Variants in OR13G1 observed in about 807,000 individuals in gnomAD.
OR13G1 encodes the protein olfactory receptor family 13 subfamily G member 1.
For missense variants in OR13G1, 369 were observed against 385.7 expected (o/e 0.96, Z 0.36); for synonymous variants, 128 against 136.2 (o/e 0.94, Z 0.42).
At chr1:247,673,993 T>C (rs1659269500) in intron 1 of OR13G1, among the ~76,000 whole-genome samples, 1 of 152,132 alleles carries the variant, frequency 6.6e-6, no homozygotes, top group African/African-American at 2.4e-5. Flanking sequence ...CTGTGTCCTA[T>C]GTTATTTTCC....
At position 247,673,227 on chromosome 1, in the gene OR13G1, T is replaced by C. The variant is rs552598867; in HGVS notation, c.-186A>G. ...TCTGTATTCCAGGCAATATACTCTGTTTTCCAGACTAATCCCATTCTCTGA... is the reference window on the plus strand; with the variant it reads ...TCTGTATTCCAGGCAATATACTCTGCTTTCCAGACTAATCCCATTCTCTGA... On this transcript the variant is annotated 5_prime_UTR_variant, in exon 2 of 2. Coordinates refer to ENST00000642119, the MANE Select transcript of OR13G1 (RefSeq NM_001005487.2). 3.0e-5 allele frequency: 17 copies of C among 566,300 alleles called. No individual in the cohort carries two copies. The highest frequency in any genetic ancestry group is 2.2e-4 in the African/African-American group (12 of 53,408). 35.1% of individuals were successfully genotyped at this position (566,300 alleles called of 1,614,324 possible). A position where few individuals can be genotyped will look rare whatever the true frequency, so the allele number is the denominator to read the frequency against.
intron 1 of OR13G1, among the ~76,000 whole-genome samples, chr1:247,678,861 A>G (rs975514739): frequency 6.6e-6 from 1 of 152,098 alleles, no homozygotes; most frequent in Non-Finnish European, 1.5e-5. Context: ...CCACTGAAAG[A>G]CCCACATCCT....
At chr1:247,678,733 T>A (rs958895405) in intron 1 of OR13G1, among the ~76,000 whole-genome samples, 4 of 152,256 alleles carry the variant, frequency 2.6e-5, no homozygotes, top group African/African-American at 9.6e-5. Context: ...GTATAATAAA[T>A]TGTAAAAAGA....
intron 1 of OR13G1, among the ~76,000 whole-genome samples, chr1:247,674,430 G>T (rs182062896): frequency 3.3e-5 from 5 of 152,158 alleles, no homozygotes; most frequent in East Asian, 3.9e-4. Context: ...AGTCTGTTTT[G>T]CTCTCTCATG....
At chr1:247,675,770 A>T (rs986359851) in intron 1 of OR13G1, among the ~76,000 whole-genome samples, 1 of 152,130 alleles carries the variant, frequency 6.6e-6, no homozygotes. Context: ...TTCTCTTGAA[A>T]TTCTGCAATT....
rs755822965 is a variant in OR13G1, at chr1:247,673,074, C to T, written c.-33G>A. The T allele has an allele frequency of 2.7e-6, 4 of 1,467,144 alleles. No individual in the cohort carries two copies. The highest frequency in any genetic ancestry group is 2.8e-5 in the African/African-American group (2 of 71,348). 90.9% of individuals were successfully genotyped at this position (1,467,144 alleles called of 1,614,324 possible). On this transcript the variant is annotated 5_prime_UTR_variant, in exon 2 of 2. The change creates a new upstream start codon in the 5' untranslated region. Transcript: ENST00000642119. The stretch of plus-strand genomic sequence containing the variant: ...GGGTGATTGAATGGCAGTAATTGCA[C>T]AGAATAAACAACTGAAAATGGAAAG...
Position 247,672,133 on chromosome 1 carries a change from T to C in OR13G1, c.909A>G (p.Ala303=), listed in dbSNP as rs751560495. The change falls in exon 2 of 2, where the codon GCA becomes GCG. Residue 303 remains alanine (A), a synonymous_variant. Coordinates refer to ENST00000642119, the MANE Select transcript of OR13G1 (RefSeq NM_001005487.2). ...GTTGAAACTACTAGTGTTTCAGAAA[T>C]GCAAACACCTTCCTAATTCCTGCCT... ...EMQAGIRKVF[A]FLKH is the part of the protein sequence containing the mutation. 6.2e-7 allele frequency: 1 copy of C among 1,612,810 alleles called. No individual in the cohort carries two copies. The highest frequency in any genetic ancestry group is 8.5e-7 in the Non-Finnish European group (1 of 1,179,414).
Position 247,672,040 on chromosome 1 carries a change from G to T in OR13G1, c.*78C>A. 8.4e-7 allele frequency: 1 copy of T among 1,196,784 alleles called. No homozygotes were observed. Among genetic ancestry groups the T allele is most frequent in the Non-Finnish European group, 1.2e-6 (1 of 848,322 alleles). The allele number at this position is 1,196,784 out of a possible 1,614,324, so 74.1% of individuals were successfully genotyped here. Reference sequence around the variant, plus strand: ...GAAGGGAAAATTGGAGTGGAGGTAAGTATGAAAAACCAGTAAAATCTGAGA... The same window carrying T: ...GAAGGGAAAATTGGAGTGGAGGTAATTATGAAAAACCAGTAAAATCTGAGA... On this transcript the variant is annotated 3_prime_UTR_variant, in exon 2 of 2. Coordinates refer to ENST00000642119, the MANE Select transcript of OR13G1 (RefSeq NM_001005487.2).
At chr1:247,676,728 A>T (rs78220899) in intron 1 of OR13G1, among the ~76,000 whole-genome samples, 3 of 152,178 alleles carry the variant, frequency 2.0e-5, no homozygotes, top group African/African-American at 7.2e-5. Context: ...ACTAACCAAA[A>T]ACATGAGTGT....
At chr1:247,675,085 C>T (rs1151638) in intron 1 of OR13G1, among the ~76,000 whole-genome samples, 58,642 of 151,830 alleles carry the variant, frequency 0.39, 12,251 homozygotes, top group East Asian at 0.59. Context: ...AAATAGTAAG[C>T]GGTTCTGGTC....
Position 247,672,908 on chromosome 1 carries a change from G to A in OR13G1, c.134C>T (p.Ala45Val). The A allele has an allele frequency of 6.2e-7, 1 of 1,614,022 alleles. No individual in the cohort carries two copies. Among genetic ancestry groups the A allele is most frequent in the African/African-American group, 1.3e-5 (1 of 75,020 alleles). Residue 45 changes from alanine to valine, a missense_variant, in exon 2 of 2, where the codon GCC becomes GTC. Transcript: ENST00000642119. The stretch of plus-strand genomic sequence containing the variant: ...ATGCAAGGTGTTGTTATAGATTTTG[G>A]CAATGATGATGAGCATGTTGCCGAG... ...AFLGNMLIII[A>V]KIYNNTLHTP...
At chr1:247,673,829 C>T (rs573206428) in intron 1 of OR13G1, among the ~76,000 whole-genome samples, 8 of 152,004 alleles carry the variant, frequency 5.3e-5, no homozygotes, top group Non-Finnish European at 7.4e-5. Context: ...GCCATTTAAG[C>T]TCTGTAAGAT....
Position 247,672,001 on chromosome 1 carries a change from G to T in OR13G1, c.*117C>A. ...AGACAATGAGACTGCTAGGAAGAAG[G>T]CAGGAATAAGAGGGAAGGGAAAATT... On this transcript the variant is annotated 3_prime_UTR_variant, in exon 2 of 2. Transcript: ENST00000642119. 2 of 768,486 alleles carry T rather than the reference G, an allele frequency of 2.6e-6. No homozygotes were observed. The highest frequency in any genetic ancestry group is 4.1e-6 in the Non-Finnish European group (2 of 483,196). The allele number at this position is 768,486 out of a possible 1,614,324, so 47.6% of individuals were successfully genotyped here.
intron 1 of OR13G1, among the ~76,000 whole-genome samples, chr1:247,675,776 C>T (rs1259772428): frequency 2.6e-5 from 4 of 152,086 alleles, no homozygotes; most frequent in Non-Finnish European, 5.9e-5. Context: ...TGAAATTCTG[C>T]AATTGATGTT....
At position 247,672,121 on chromosome 1, in the gene OR13G1, G is replaced by A; in HGVS notation, c.921C>T (p.His307=). 1 of 1,609,594 alleles carries A rather than the reference G, an allele frequency of 6.2e-7. No individual in the cohort carries two copies. The highest frequency in any genetic ancestry group is 1.1e-5 in the South Asian group (1 of 90,672). ...GTGATGTTGCATGTTGAAACTACTA[G>A]TGTTTCAGAAATGCAAACACCTTCC... ...GIRKVFAFLK[H] The change falls in exon 2 of 2, where the codon CAC becomes CAT. Residue 307 remains histidine, a synonymous_variant. Coordinates refer to ENST00000642119, the MANE Select transcript of OR13G1 (RefSeq NM_001005487.2).
intron 1 of OR13G1, among the ~76,000 whole-genome samples, chr1:247,677,330 C>T (rs1018233638): frequency 2.0e-5 from 3 of 151,992 alleles, no homozygotes; most frequent in Admixed American, 1.3e-4. Flanking sequence ...GTTAAGTAGT[C>T]GATAAGGGAG....
At chr1:247,679,294 C>T (rs1167478679) in intron 1 of OR13G1, among the ~76,000 whole-genome samples, 2 of 152,154 alleles carry the variant, frequency 1.3e-5, no homozygotes, top group South Asian at 2.1e-4. Flanking sequence ...GTCAAGCATT[C>T]CCATAACTTG....
At chr1:247,673,662 A>G (rs1659254377) in intron 1 of OR13G1, among the ~76,000 whole-genome samples, 1 of 152,172 alleles carries the variant, frequency 6.6e-6, no homozygotes, top group African/African-American at 2.4e-5. Context: ...CAATTTAATC[A>G]AATGTCTGTA....
chr1:247,674,489 T>C (rs1487106368), intron 1 of OR13G1, among the ~76,000 whole-genome samples: 2 of 152,176 alleles, frequency 1.3e-5, no homozygotes, highest in Non-Finnish European at 2.9e-5. Context: ...ACTGATAAAT[T>C]CATCTTTAAC....
Sources: allele counts gnomAD v4.1 joint callset (sites outside exome capture counted in the v4.1 genomes callset), GRCh38; gene constraint gnomAD v4.1.1; transcripts MANE v1.5; gene names NCBI Gene and HGNC (gene_info 2026-07-23, HGNC 2026-07-21).